The following MAPK8IP1 variants were observed in gnomAD, a reference collection of about 807,000 sequenced individuals.
The protein encoded by MAPK8IP1 is mitogen-activated protein kinase 8 interacting protein 1, also known as C-Jun-amino-terminal kinase-interacting protein 1.
A neutral mutation model predicts 72.6 loss-of-function variants in MAPK8IP1; 17 were observed. That is an observed-to-expected ratio of 0.23 (90% CI 0.16 to 0.35). The LOEUF (loss-of-function observed/expected upper bound fraction) is 0.35, where lower values mean the gene tolerates loss of function less well. Among genes scored for constraint, MAPK8IP1 ranks in the 10% least tolerant of loss-of-function variants. MAPK8IP1 has a pLI of 1.00. For missense variants in MAPK8IP1, 789 were observed against 1,009.7 expected, an observed-to-expected ratio of 0.78 and a Z score of 2.96; for synonymous variants, 401 against 443.4, an observed-to-expected ratio of 0.90 and a Z score of 1.20.
chr11:45,906,131 TGCCC>T lies in MAPK8IP1; in HGVS notation c.*415_*418del. 2 of 366,904 alleles carry T rather than the reference TGCCC, an allele frequency of 5.5e-6. No homozygotes were observed. Among genetic ancestry groups the T allele is most frequent in the Admixed American group, 4.1e-5 (1 of 24,330 alleles). 22.7% of individuals were successfully genotyped at this position (366,904 alleles called of 1,614,324 possible). ...TGATGAAGCCTGTGCCACCTGCAAG[TGCCC>T]GCCCTGCCCCTGCCCCAACCCCCAC... is the stretch of plus-strand genomic sequence containing the variant. On this transcript the variant is annotated 3_prime_UTR_variant, in exon 12 of 12. Coordinates refer to ENST00000241014, the MANE Select transcript of MAPK8IP1 (RefSeq NM_005456.4).
chr11:45,906,136 G>GCCCTGC lies in MAPK8IP1; in HGVS notation c.*425_*430dup. 3 of 358,444 alleles carry GCCCTGC rather than the reference G, an allele frequency of 8.4e-6. No homozygotes were observed. The highest frequency in any genetic ancestry group is 3.6e-5 in the South Asian group (1 of 27,794). 22.2% of individuals were successfully genotyped at this position (358,444 alleles called of 1,614,324 possible). ...AAGCCTGTGCCACCTGCAAGTGCCC[G>GCCCTGC]CCCTGCCCCTGCCCCAACCCCCACC... On this transcript the variant is annotated 3_prime_UTR_variant, in exon 12 of 12. Coordinates refer to ENST00000241014, the MANE Select transcript of MAPK8IP1 (RefSeq NM_005456.4).
At position 45,886,191 on chromosome 11, in the gene MAPK8IP1, G is replaced by C. The variant is rs1980218; in HGVS notation, c.101+270G>C. Among the ~76,000 whole-genome samples, 169 of 152,352 alleles carry C rather than the reference G, an allele frequency of 1.1e-3. No homozygotes were observed. In the Middle Eastern group the frequency reaches 0.017, roughly 15 times the overall value. ...GCGCTGGAATTGGAGGAGGGGGCTC[G>C]GAGGCCTCCTTCTCCCCAACCTCCG... On this transcript the variant is annotated intron_variant, in intron 1 of 11. Transcript: ENST00000241014.
intron 1 of MAPK8IP1, among the ~76,000 whole-genome samples, chr11:45,894,859 G>T (rs1434423119): frequency 6.6e-6 from 1 of 152,184 alleles, no homozygotes; most frequent in African/African-American, 2.4e-5. Context: ...GTGGGAAGTG[G>T]GTGTTTCTGA....
intron 1 of MAPK8IP1, among the ~76,000 whole-genome samples, chr11:45,897,485 G>A (rs1420501872): frequency 1.3e-5 from 2 of 152,238 alleles, no homozygotes; most frequent in African/African-American, 4.8e-5. Flanking sequence ...AGATGTTGTG[G>A]TTGAAGAGAT....
rs2086685463 is a variant in MAPK8IP1, at chr11:45,904,383, ACCCT to A, written c.1667-69_1667-66del. 1.5e-6 allele frequency: 2 copies of A among 1,335,260 alleles called. No individual in the cohort carries two copies. Among genetic ancestry groups the A allele is most frequent in the African/African-American group, 2.9e-5 (2 of 69,226 alleles). 82.7% of individuals were successfully genotyped at this position (1,335,260 alleles called of 1,614,324 possible). A position where few individuals can be genotyped will look rare whatever the true frequency, so the allele number is the denominator to read the frequency against. On this transcript the variant is annotated intron_variant, in intron 7 of 11. Coordinates refer to ENST00000241014, the MANE Select transcript of MAPK8IP1 (RefSeq NM_005456.4). The surrounding 1 kb of genome is among the most constrained non-coding windows in gnomAD (Gnocchi z 6.4). ...CTCTGCCATTCCCCGTGCCTCACCC[ACCCT>A]CCTTCACTTGGCTGCTCAGCTCCCT...
intron 2 of MAPK8IP1, 141 bp downstream of exon 2, chr11:45,898,331 G>T (rs557725581): frequency 9.3e-6 from 6 of 642,120 alleles, no homozygotes; most frequent in East Asian, 5.8e-5. Flanking sequence ...AAGAAACATA[G>T]GTATACTGCT....
At chr11:45,905,548 C>A in intron 11 of MAPK8IP1, 101 bp from the exon 12 acceptor site, 1 of 1,049,882 alleles carries the variant, frequency 9.5e-7, no homozygotes, top group Non-Finnish European at 1.5e-6. Context: ...ACCAGAGCTG[C>A]ACTTGGGCCC....
At chr11:45,893,875 T>C (rs1448000576) in intron 1 of MAPK8IP1, among the ~76,000 whole-genome samples, 1 of 152,020 alleles carries the variant, frequency 6.6e-6, no homozygotes, top group African/African-American at 2.4e-5. Flanking sequence ...AGTGTCTGTT[T>C]AGCCTTCTCT....
intron 1 of MAPK8IP1, among the ~76,000 whole-genome samples, chr11:45,895,073 C>T (rs539470491): frequency 2.0e-5 from 3 of 152,348 alleles, no homozygotes; most frequent in East Asian, 1.9e-4. Flanking sequence ...ACGCAGACTA[C>T]GCATGGAGCT....
intron 2 of MAPK8IP1, among the ~76,000 whole-genome samples, chr11:45,899,839 G>A (rs2086635494): frequency 6.6e-6 from 1 of 152,210 alleles, no homozygotes; most frequent in Admixed American, 6.5e-5. Flanking sequence ...TCTGGGCTCG[G>A]CTTACAACCC....
Position 45,903,521 on chromosome 11 carries a change from C to A in MAPK8IP1, c.1493+81C>A. 8.1e-7 allele frequency: 1 copy of A among 1,228,208 alleles called. No homozygotes were observed. Among genetic ancestry groups the A allele is most frequent in the Non-Finnish European group, 1.2e-6 (1 of 860,750 alleles). The allele number at this position is 1,228,208 out of a possible 1,614,324, so 76.1% of individuals were successfully genotyped here. A position where few individuals can be genotyped will look rare whatever the true frequency, so the allele number is the denominator to read the frequency against. ...CCCTCTACTTGTCACCCCTACATGG[C>A]CTCAGCCTAACCCCTGCCATCAGCC... On this transcript the variant is annotated intron_variant, in intron 6 of 11. Transcript: ENST00000241014. This position sits in a 1 kb window ranked among gnomAD's most constrained non-coding sequence, Gnocchi z 6.4.
At chr11:45,888,265 G>A (rs1317899605) in intron 1 of MAPK8IP1, among the ~76,000 whole-genome samples, 2 of 152,220 alleles carry the variant, frequency 1.3e-5, no homozygotes, top group Non-Finnish European at 2.9e-5. Context: ...CTCAGCACGG[G>A]ATAGTTACTC....
chr11:45,903,309 G>A lies in MAPK8IP1; in HGVS notation c.1418-56G>A, dbSNP rs371402445. ...TAGGACTGAGGCTTCTACCTGCCCC[G>A]CTAAACCTGGATCAGAGCTGCGACC... is the stretch of plus-strand genomic sequence containing the variant. On this transcript the variant is annotated intron_variant, in intron 5 of 11. Coordinates refer to ENST00000241014, the MANE Select transcript of MAPK8IP1 (RefSeq NM_005456.4). This position sits in a 1 kb window ranked among gnomAD's most constrained non-coding sequence, Gnocchi z 6.4. 9.6e-5 allele frequency: 153 copies of A among 1,597,782 alleles called. No homozygotes were observed. The highest frequency in any genetic ancestry group is 1.2e-4 in the Non-Finnish European group (144 of 1,167,852).
intron 1 of MAPK8IP1, among the ~76,000 whole-genome samples, chr11:45,891,029 C>A (rs1000896828): frequency 1.3e-5 from 2 of 152,198 alleles, no homozygotes. Context: ...ATGCCCAGGA[C>A]CGCCTTGGCC....
chr11:45,902,685 G>C lies in MAPK8IP1; in HGVS notation c.918G>C (p.Arg306=), dbSNP rs1264728085. The C allele has an allele frequency of 6.2e-7, 1 of 1,611,306 alleles. No individual in the cohort carries two copies. Among genetic ancestry groups the C allele is most frequent in the Non-Finnish European group, 8.5e-7 (1 of 1,179,892 alleles). The change falls in exon 5 of 12, where the codon CGG becomes CGC. Residue 306 remains arginine (R), a synonymous_variant. Coordinates refer to ENST00000241014, the MANE Select transcript of MAPK8IP1 (RefSeq NM_005456.4). The surrounding 1 kb of genome is among the most constrained non-coding windows in gnomAD (Gnocchi z 9.3). ...TSAFLPPTES[R]MSVSSDPDPA... ...CCTTCCTGCCGCCCACTGAGAGCCG[G>C]ATGTCAGTCAGCTCCGATCCAGACC...
In MAPK8IP1 at chr11:45,904,034, C is replaced by T. The variant is rs138531749; in HGVS notation, c.1539C>T (p.Asp513=). 3 of 1,613,866 alleles carry T rather than the reference C, an allele frequency of 1.9e-6. No homozygotes were observed. Among genetic ancestry groups the T allele is most frequent in the African/African-American group, 1.3e-5 (1 of 74,920 alleles). The change falls in exon 7 of 12, where the codon GAC becomes GAT. Residue 513 remains aspartate, a synonymous_variant. Transcript: ENST00000241014. This position sits in a 1 kb window ranked among gnomAD's most constrained non-coding sequence, Gnocchi z 6.4. ...ACGAACTTGAGCTGGAAGTGGATGA[C>T]CCTCTGCTAGTGGAGCTCCAGGCTG... ...HEDELELEVD[D]PLLVELQAED... is the part of the protein sequence containing the mutation.
chr11:45,902,527 G>C lies in MAPK8IP1; in HGVS notation c.760G>C (p.Ala254Pro). 6.2e-7 allele frequency: 1 copy of C among 1,611,348 alleles called. No homozygotes were observed. Residue 254 changes from alanine (A) to proline (P), a missense_variant, in exon 5 of 12, where the codon GCC becomes CCC. Coordinates refer to ENST00000241014, the MANE Select transcript of MAPK8IP1 (RefSeq NM_005456.4). This position sits in a 1 kb window ranked among gnomAD's most constrained non-coding sequence, Gnocchi z 9.3. Reference protein sequence around the residue: ...QMAPPGGPPAAPPGGRGHSHR... With the variant: ...QMAPPGGPPAPPPGGRGHSHR... ...GGCACCTCCGGGTGGTCCCCCTGCT[G>C]CCCCGCCTGGGGGTCGGGGCCACTC...
At position 45,904,777 on chromosome 11, in the gene MAPK8IP1, G is replaced by T. The variant is rs1388619470; in HGVS notation, c.1836G>T (p.Glu612Asp). 1 of 1,613,940 alleles carries T rather than the reference G, an allele frequency of 6.2e-7. No individual in the cohort carries two copies. The highest frequency in any genetic ancestry group is 1.7e-5 in the Admixed American group (1 of 60,000). ...ACCCGCCCTCCAGCTGTGTCCTGGA[G>T]ATCAGCGTGCGGGGTGTGAAGATAG... Reference protein sequence around the residue: ...HFNPPSSCVLEISVRGVKIGV... With the variant: ...HFNPPSSCVLDISVRGVKIGV... The change falls in exon 9 of 12, where the codon GAG becomes GAT. Residue 612 changes from glutamate (E) to aspartate (D), a missense_variant. Physicochemically the swap from Glu to Asp is conservative, Grantham distance 45. This residue lies in a region of MAPK8IP1 where 188 missense variants were observed against 293.3 expected (regional missense o/e 0.64). Transcript: ENST00000241014. This position sits in a 1 kb window ranked among gnomAD's most constrained non-coding sequence, Gnocchi z 6.4.
intron 2 of MAPK8IP1, among the ~76,000 whole-genome samples, chr11:45,899,904 T>G (rs2086636008): frequency 1.3e-5 from 2 of 151,790 alleles, no homozygotes; most frequent in African/African-American, 4.8e-5. Flanking sequence ...GAGTCCGGGG[T>G]GGGGACTGTG....
Sources: allele counts gnomAD v4.1 joint callset (sites outside exome capture counted in the v4.1 genomes callset), GRCh38; gene constraint gnomAD v4.1.1; regional missense constraint gnomAD v4.1.1; non-coding constraint Gnocchi (gnomAD v3.1); transcripts MANE v1.5; gene names NCBI Gene and HGNC (gene_info 2026-07-23, HGNC 2026-07-21).